Variants in SGCD observed in about 807,000 individuals in gnomAD.
SGCD encodes delta-sarcoglycan.
SGCD carries 18 observed loss-of-function variants against 36.6 expected under a neutral mutation model. The observed-to-expected ratio is 0.49, with a 90% CI of 0.34 to 0.73. The LOEUF (loss-of-function observed/expected upper bound fraction) is 0.73, where lower values mean the gene tolerates loss of function less well. SGCD is among the 30% of genes least tolerant of loss of function. The pLI is 0.01. For missense variants in SGCD, 387 were observed against 346.7 expected, an observed-to-expected ratio of 1.12 and a Z score of -0.92; for synonymous variants, 133 against 130.6, an observed-to-expected ratio of 1.02 and a Z score of -0.12.
At chr5:155,875,423 T>A (rs969214461) in intron 1 of SGCD, among the ~76,000 whole-genome samples, 1 of 152,146 alleles carries the variant, frequency 6.6e-6, no homozygotes, top group Non-Finnish European at 1.5e-5. Context: ...AATATTTTAA[T>A]AATAGCATAA....
intron 1 of SGCD, among the ~76,000 whole-genome samples, chr5:155,872,353 A>G (rs1218163451): frequency 1.9e-5 from 2 of 105,410 alleles, no homozygotes; most frequent in Non-Finnish European, 4.0e-5. Flanking sequence ...TCTCTTCAGC[A>G]CACACACACA....
intron 3 of SGCD, among the ~76,000 whole-genome samples, chr5:156,304,517 T>C (rs1324331311): frequency 6.6e-6 from 1 of 152,194 alleles, no homozygotes; most frequent in East Asian, 1.9e-4. Context: ...GAACTGTAAG[T>C]CCATTAAACC....
At chr5:156,249,201 G>A (rs1765513933) in intron 3 of SGCD, among the ~76,000 whole-genome samples, 1 of 152,134 alleles carries the variant, frequency 6.6e-6, no homozygotes, top group South Asian at 2.1e-4. Flanking sequence ...GAGAAGTTTT[G>A]GCATTCATGA....
intron 1 of SGCD, among the ~76,000 whole-genome samples, chr5:155,925,270 C>T (rs898340362): frequency 3.3e-5 from 5 of 152,070 alleles, no homozygotes; most frequent in Non-Finnish European, 5.9e-5. Context: ...TCTTTTGGTT[C>T]GGGGAGTAAA....
At chr5:156,701,542 A>G (rs1168130813) in intron 7 of SGCD, among the ~76,000 whole-genome samples, 2 of 152,160 alleles carry the variant, frequency 1.3e-5, no homozygotes, top group Non-Finnish European at 2.9e-5. Context: ...GCTCAAAAGT[A>G]TCTAATTGGG....
intron 3 of SGCD, among the ~76,000 whole-genome samples, chr5:156,413,672 A>G (rs998051763): frequency 6.6e-6 from 1 of 152,202 alleles, no homozygotes; most frequent in Admixed American, 6.5e-5. Flanking sequence ...GGGTAGAGAC[A>G]GAGTCTCAGA....
intron 4 of SGCD, among the ~76,000 whole-genome samples, chr5:156,567,779 T>C (rs375078401): frequency 2.0e-5 from 3 of 152,064 alleles, no homozygotes; most frequent in Admixed American, 1.3e-4. Context: ...CTCCTGCATA[T>C]TAAAAATATA....
chr5:156,390,585 C>A (rs1771511638), intron 3 of SGCD, among the ~76,000 whole-genome samples: 1 of 152,116 alleles, frequency 6.6e-6, no homozygotes. Flanking sequence ...AAAAGATCAG[C>A]CGGGTGTGGT....
At chr5:156,130,194 G>C (rs556229538) in intron 3 of SGCD, among the ~76,000 whole-genome samples, 57 of 152,292 alleles carry the variant, frequency 3.7e-4, no homozygotes, top group African/African-American at 1.3e-3. Context: ...TGACTGGTGT[G>C]AGATGGTATC....
At chr5:156,592,978 T>C (rs962512513) in intron 5 of SGCD, among the ~76,000 whole-genome samples, 3 of 152,150 alleles carry the variant, frequency 2.0e-5, no homozygotes, top group African/African-American at 4.8e-5. Flanking sequence ...AATGGCGACA[T>C]CCACAAGAGT....
Position 156,447,779 on chromosome 5 carries a change from C to T in SGCD, c.193-60822C>T, listed in dbSNP as rs189152455. On this transcript the variant is annotated intron_variant, in intron 3 of 8. Transcript: ENST00000337851. ...CATGTTCACCTATGTAACAAACCTG[C>T]GCATCCTGCACATGTATCCCAGAAC... Among the ~76,000 whole-genome samples the T allele has an allele frequency of 7.2e-5, 11 of 152,212 alleles. No homozygotes were observed. In the East Asian group the frequency reaches 1.2e-3, roughly 16 times the overall value.
the SGCD span, among the ~76,000 whole-genome samples, chr5:155,844,704 T>G: frequency 6.6e-6 from 1 of 152,096 alleles, no homozygotes; most frequent in African/African-American, 2.4e-5. Flanking sequence ...GGCCATAGAA[T>G]GGAATACCGT....
chr5:156,433,354 C>T (rs145590568), intron 3 of SGCD, among the ~76,000 whole-genome samples: 12 of 152,272 alleles, frequency 7.9e-5, no homozygotes, highest in African/African-American at 2.9e-4. Flanking sequence ...TTCACATGCT[C>T]TACTGCCTTC....
intron 1 of SGCD, among the ~76,000 whole-genome samples, chr5:156,096,756 A>G (rs1010768836): frequency 2.6e-5 from 4 of 152,216 alleles, no homozygotes; most frequent in Admixed American, 2.6e-4. Context: ...CTAAACATAA[A>G]ATAAGCAAGA....
At chr5:156,498,935 C>CCTGTGTGTGTGTGTGTGTGTGT (rs149269957) in intron 3 of SGCD, among the ~76,000 whole-genome samples, 1 of 149,348 alleles carries the variant, frequency 6.7e-6, no homozygotes, top group African/African-American at 2.5e-5. Context: ...ATGTGTGCTA[C>CCTGTGTGTGTGTGTGTGTGTGT]GTGTGTGTGT....
At chr5:156,624,175 T>A (rs1215085319) in intron 6 of SGCD, among the ~76,000 whole-genome samples, 2 of 151,920 alleles carry the variant, frequency 1.3e-5, no homozygotes, top group East Asian at 3.9e-4. Context: ...CACTGAGAAG[T>A]GGAAATTTGA....
At chr5:156,010,400 G>C (rs1344324447) in intron 1 of SGCD, among the ~76,000 whole-genome samples, 1 of 152,144 alleles carries the variant, frequency 6.6e-6, no homozygotes, top group Non-Finnish European at 1.5e-5. Context: ...AAAACATGTT[G>C]AGCAGATCTT....
chr5:155,798,879 G>A, the SGCD span, among the ~76,000 whole-genome samples: 2 of 152,104 alleles, frequency 1.3e-5, no homozygotes, highest in Non-Finnish European at 1.5e-5. Flanking sequence ...ACATATGTTC[G>A]TTCCAGATGC....
At chr5:156,519,585 A>G (rs1257934393) in intron 4 of SGCD, among the ~76,000 whole-genome samples, 1 of 152,184 alleles carries the variant, frequency 6.6e-6, no homozygotes, top group Non-Finnish European at 1.5e-5. Flanking sequence ...CTTCAGGCCA[A>G]TATTCCTGAT....
Sources: allele counts gnomAD v4.1 joint callset (sites outside exome capture counted in the v4.1 genomes callset), GRCh38; gene constraint gnomAD v4.1.1; transcripts MANE v1.5; gene names NCBI Gene and HGNC (gene_info 2026-07-23, HGNC 2026-07-21).